MKRN2: variants seen among roughly 807,000 people sequenced by gnomAD.
The protein encoded by MKRN2 is makorin ring finger protein 2, also known as E3 ubiquitin-protein ligase makorin-2.
Under a neutral mutation model 45.4 loss-of-function variants are expected in MKRN2, and 32 were observed. The ratio of observed to expected loss-of-function variants is 0.70; its 90% CI spans 0.53 to 0.95. The LOEUF is 0.95. MKRN2 is among the 40% of genes least tolerant of loss of function. MKRN2 has a pLI of 0.00. For synonymous variants in MKRN2, 206 were observed against 192.4 expected, an observed-to-expected ratio of 1.07 and a Z score of -0.59; for missense variants, 526 against 536.7, an observed-to-expected ratio of 0.98 and a Z score of 0.20.
intron 2 of MKRN2, among the ~76,000 whole-genome samples, chr3:12,569,505 T>G (rs2058086776): frequency 6.6e-6 from 1 of 152,202 alleles, no homozygotes; most frequent in Non-Finnish European, 1.5e-5. Flanking sequence ...TTCTTATGAA[T>G]ATATAGTTAT....
chr3:12,559,582 T>C (rs767154607), intron 1 of MKRN2, among the ~76,000 whole-genome samples: 1 of 152,122 alleles, frequency 6.6e-6, no homozygotes, highest in Middle Eastern at 3.2e-3. Flanking sequence ...TCTCCAAGAG[T>C]TGCTTATCAA....
At position 12,572,362 on chromosome 3, in the gene MKRN2, G is replaced by C. The variant is rs777825929; in HGVS notation, c.631G>C (p.Ala211Pro). ...LHPFDPEQRK[A>P]HEKICMLTFE... ...CCCATTCGACCCAGAGCAGAGGAAG[G>C]CTCATGAAAAGGTAAAGTCACAAAC... Residue 211 changes from alanine (A) to proline (P), a missense_variant, in exon 4 of 8, where the codon GCT (alanine) becomes CCT (proline). Transcript: ENST00000170447. 3.8e-6 allele frequency: 6 copies of C among 1,568,514 alleles called. No homozygotes were observed. The highest frequency in any genetic ancestry group is 1.2e-5 in the South Asian group (1 of 85,474).
chr3:12,580,012 TGGCA>T (rs542428141), intron 6 of MKRN2, among the ~76,000 whole-genome samples: 90 of 152,234 alleles, frequency 5.9e-4, no homozygotes, highest in African/African-American at 2.1e-3. Context: ...GAAGTGGCCC[TGGCA>T]GGCAGGCCCC....
chr3:12,572,019 A>G (rs979635682), intron 3 of MKRN2, 50 bp from the exon 4 acceptor site: 2 of 1,513,378 alleles, frequency 1.3e-6, no homozygotes, highest in Non-Finnish European at 1.8e-6. Flanking sequence ...ACGGCATACC[A>G]GAAAAATGGG....
At chr3:12,572,447 C>T in intron 4 of MKRN2, 74 bp downstream of exon 4, 2 of 1,351,118 alleles carry the variant, frequency 1.5e-6, no homozygotes, top group Non-Finnish European at 9.9e-7. Flanking sequence ...GGAAGGCCAT[C>T]CATATACACT....
intron 1 of MKRN2, 24 bp from the exon 2 acceptor site, chr3:12,568,851 G>C: frequency 6.2e-7 from 1 of 1,604,412 alleles, no homozygotes; most frequent in Middle Eastern, 1.7e-4. Context: ...TCTAAAAGTT[G>C]TATGCCTGTG....
chr3:12,566,657 C>T (rs2058070405), intron 1 of MKRN2, among the ~76,000 whole-genome samples: 1 of 152,184 alleles, frequency 6.6e-6, no homozygotes, highest in East Asian at 1.9e-4. Context: ...GGCTGGAGTG[C>T]AATGGCGCGA....
At chr3:12,564,401 T>C (rs12107207) in intron 1 of MKRN2, among the ~76,000 whole-genome samples, 1,728 of 152,360 alleles carry the variant, frequency 0.011, 25 homozygotes, top group African/African-American at 0.039. Flanking sequence ...TGTTTAACTT[T>C]CCATATTAAT....
chr3:12,576,933 G>GGGT (rs1437893685), intron 6 of MKRN2, 192 bp downstream of exon 6: 1 of 55,244 alleles, frequency 1.8e-5, no homozygotes, highest in African/African-American at 1.3e-4. Context: ...TAGTTTTGGT[G>GGGT]TTTTTTTTTT....
At chr3:12,566,376 G>C (rs948259429) in intron 1 of MKRN2, among the ~76,000 whole-genome samples, 1 of 151,872 alleles carries the variant, frequency 6.6e-6, no homozygotes, top group Non-Finnish European at 1.5e-5. Context: ...TTTTCAGTTG[G>C]GTTTGTTTTG....
At chr3:12,569,872 T>C (rs1003760006) in intron 2 of MKRN2, among the ~76,000 whole-genome samples, 199 bp from the exon 3 acceptor site, 1 of 152,188 alleles carries the variant, frequency 6.6e-6, no homozygotes, top group Non-Finnish European at 1.5e-5. Flanking sequence ...AGGTGATAGA[T>C]AGCAAATGTC....
At chr3:12,565,562 G>T (rs1375143928) in intron 1 of MKRN2, among the ~76,000 whole-genome samples, 4 of 116,062 alleles carry the variant, frequency 3.4e-5, no homozygotes, top group African/African-American at 1.1e-4. Flanking sequence ...GGGAGACAGG[G>T]TCTCACTCTG....
intron 6 of MKRN2, among the ~76,000 whole-genome samples, chr3:12,577,811 G>A (rs1308573264): frequency 6.6e-6 from 1 of 152,104 alleles, no homozygotes; most frequent in Non-Finnish European, 1.5e-5. Context: ...GAGTAGCAGG[G>A]ATTACAGGCA....
rs541834984 is a variant in MKRN2, at chr3:12,557,276, G to T, written c.26+100G>T. 2.0e-4 allele frequency: 289 copies of T among 1,448,220 alleles called. No individual in the cohort carries two copies. The African/African-American group carries it at 3.8e-3, about 19-fold the overall frequency. The allele number at this position is 1,448,220 out of a possible 1,614,324, so 89.7% of individuals were successfully genotyped here. A position where few individuals can be genotyped will look rare whatever the true frequency, so the allele number is the denominator to read the frequency against. On this transcript the variant is annotated intron_variant, in intron 1 of 7. Transcript: ENST00000170447. ...GTCCGGGAACCTGAGGCTAGAGCGGGACTCGGAAAGTTACTCGGCTGTTCG... is the reference window on the plus strand; with the variant it reads ...GTCCGGGAACCTGAGGCTAGAGCGGTACTCGGAAAGTTACTCGGCTGTTCG...
chr3:12,562,111 G>A (rs2058041518), intron 1 of MKRN2, among the ~76,000 whole-genome samples: 1 of 152,054 alleles, frequency 6.6e-6, no homozygotes, highest in African/African-American at 2.4e-5. Context: ...ACACAGCAAT[G>A]AAAATGCAGC....
chr3:12,558,384 C>G (rs2058002268), intron 1 of MKRN2, among the ~76,000 whole-genome samples: 1 of 152,148 alleles, frequency 6.6e-6, no homozygotes, highest in African/African-American at 2.4e-5. Flanking sequence ...TATAAAGTTT[C>G]TCCTGCTGGA....
Position 12,567,324 on chromosome 3 carries a change from T to C in MKRN2, c.27-1551T>C, listed in dbSNP as rs1243512174. 2.0e-5 allele frequency among the ~76,000 whole-genome samples: 3 copies of C among 151,602 alleles called. No homozygotes were observed. The East Asian group carries it at 5.8e-4, about 29-fold the overall frequency. On this transcript the variant is annotated intron_variant, in intron 1 of 7. Transcript: ENST00000170447. ...GATCTTGCTGTCACCCAGGCTAGAG[T>C]GCAGTGGCACAATCATGGCTACTGC...
intron 3 of MKRN2, among the ~76,000 whole-genome samples, chr3:12,570,525 T>G (rs2058092322): frequency 6.6e-6 from 1 of 152,144 alleles, no homozygotes; most frequent in Non-Finnish European, 1.5e-5. Flanking sequence ...ACATGTAACT[T>G]CCATCTTCAT....
intron 4 of MKRN2, among the ~76,000 whole-genome samples, chr3:12,574,240 G>C (rs1436723915): frequency 6.6e-6 from 1 of 152,222 alleles, no homozygotes; most frequent in Non-Finnish European, 1.5e-5. Flanking sequence ...GAGCTTACAA[G>C]GGCTGGGCCT....
Sources: allele counts gnomAD v4.1 joint callset (sites outside exome capture counted in the v4.1 genomes callset), GRCh38; gene constraint gnomAD v4.1.1; transcripts MANE v1.5; gene names NCBI Gene and HGNC (gene_info 2026-07-23, HGNC 2026-07-21).